Variants in LPP observed in about 807,000 individuals in gnomAD.
LPP encodes LIM domain containing preferred translocation partner in lipoma.
In LPP, 38 loss-of-function variants were observed where a neutral mutation model predicts 60.4. The ratio of observed to expected loss-of-function variants is 0.63; its 90% CI spans 0.49 to 0.83. The LOEUF (loss-of-function observed/expected upper bound fraction) is 0.83, where lower values mean the gene tolerates loss of function less well. Ranked by LOEUF, LPP falls within the 40% of genes least tolerant of loss-of-function variation. LPP has a pLI of 0.00. For missense variants in LPP, 902 were observed against 783.6 expected, an observed-to-expected ratio of 1.15 and a Z score of -1.80; for synonymous variants, 328 against 290.8, an observed-to-expected ratio of 1.13 and a Z score of -1.30.
intron 2 of LPP, among the ~76,000 whole-genome samples, chr3:188,250,503 A>G (rs1238565917): frequency 6.6e-6 from 1 of 152,186 alleles, no homozygotes; most frequent in Non-Finnish European, 1.5e-5. Flanking sequence ...TAAGCTATCC[A>G]TGGGGAGACA....
chr3:188,447,505 G>T (rs1353586803), intron 4 of LPP, among the ~76,000 whole-genome samples: 13 of 151,072 alleles, frequency 8.6e-5, no homozygotes, highest in East Asian at 2.0e-4. Context: ...AACTACTCAA[G>T]AAGCTGAGGC....
intron 2 of LPP, among the ~76,000 whole-genome samples, chr3:188,240,658 A>T (rs1724159259): frequency 1.3e-5 from 2 of 152,066 alleles, no homozygotes; most frequent in East Asian, 1.9e-4. Flanking sequence ...AATCATAACT[A>T]TCCAATCATG....
At chr3:188,186,177 T>C (rs1379808092) in intron 1 of LPP, among the ~76,000 whole-genome samples, 1 of 152,160 alleles carries the variant, frequency 6.6e-6, no homozygotes, top group Non-Finnish European at 1.5e-5. Context: ...CTGCTAAATA[T>C]AGCTCCAACC....
At chr3:188,404,936 G>A (rs756497913) in intron 3 of LPP, among the ~76,000 whole-genome samples, 1 of 152,180 alleles carries the variant, frequency 6.6e-6, no homozygotes, top group Non-Finnish European at 1.5e-5. Flanking sequence ...AGGCTGACTG[G>A]AGAGGTGATT....
chr3:188,754,570 C>G (rs1465745174), intron 8 of LPP, among the ~76,000 whole-genome samples: 1 of 152,100 alleles, frequency 6.6e-6, no homozygotes, highest in Non-Finnish European at 1.5e-5. Flanking sequence ...CATAGAATCA[C>G]CTGGAGAGTT....
chr3:188,641,246 A>G (rs1015347767), intron 7 of LPP, among the ~76,000 whole-genome samples: 9 of 152,322 alleles, frequency 5.9e-5, no homozygotes, highest in Non-Finnish European at 1.2e-4. Context: ...TCCACAGTCA[A>G]TTATCTCCAA....
At chr3:188,455,991 TAAAC>T (rs967950336) in intron 4 of LPP, among the ~76,000 whole-genome samples, 16 of 152,208 alleles carry the variant, frequency 1.1e-4, no homozygotes, top group Admixed American at 4.6e-4. Context: ...CTCCTGATCT[TAAAC>T]AATCCTCCTG....
chr3:188,708,237 T>C (rs1865870922), intron 7 of LPP, 30 bp from the exon 8 acceptor site: 1 of 1,612,568 alleles, frequency 6.2e-7, no homozygotes. Flanking sequence ...TAGGTGGCAA[T>C]TAAAGGACTG....
chr3:188,170,323 T>C (rs1056176545), intron 1 of LPP, among the ~76,000 whole-genome samples: 3 of 135,700 alleles, frequency 2.2e-5, no homozygotes, highest in Admixed American at 8.3e-5. Flanking sequence ...TCTTTTCTTT[T>C]CTTTTCTTTT....
intron 1 of LPP, among the ~76,000 whole-genome samples, chr3:188,203,533 A>ATTTATATATATATATT (rs1732055805): frequency 1.1e-5 from 1 of 91,164 alleles, no homozygotes; most frequent in Non-Finnish European, 1.9e-5. Flanking sequence ...ATAAATATAT[A>ATTTATATATATATATT]TTTAAATATA....
chr3:188,820,308 T>C (rs12635455), intron 9 of LPP, among the ~76,000 whole-genome samples: 37,076 of 152,040 alleles, frequency 0.24, 6,085 homozygotes, highest in East Asian at 0.8. Flanking sequence ...TGTGTGTGTG[T>C]GTGTTCAATT....
chr3:188,405,012 A>C (rs967194800), intron 3 of LPP, among the ~76,000 whole-genome samples: 1 of 152,204 alleles, frequency 6.6e-6, no homozygotes, highest in Non-Finnish European at 1.5e-5. Context: ...TCAGAGCAGC[A>C]TCTGGGCTGG....
intron 9 of LPP, among the ~76,000 whole-genome samples, 184 bp downstream of exon 9, chr3:188,760,466 AT>A (rs1482439436): frequency 6.9e-6 from 1 of 144,388 alleles, no homozygotes; most frequent in Non-Finnish European, 1.5e-5. Context: ...GCATATTGTA[AT>A]TTTTTTCTAC....
chr3:188,629,279 C>G (rs757016261), intron 7 of LPP, among the ~76,000 whole-genome samples: 3 of 151,902 alleles, frequency 2.0e-5, no homozygotes, highest in Non-Finnish European at 4.4e-5. Flanking sequence ...GAAAGTCAAA[C>G]TATTTCTGTT....
intron 7 of LPP, among the ~76,000 whole-genome samples, chr3:188,637,133 C>T (rs10937360): frequency 0.81 from 121,306 of 149,250 alleles, 49,617 homozygotes; most frequent in East Asian, 1. Context: ...CTTCAGCAAA[C>T]GTAAAAGAAC....
chr3:188,766,202 AG>A (rs1279073683), intron 9 of LPP, among the ~76,000 whole-genome samples: 4 of 151,750 alleles, frequency 2.6e-5, no homozygotes, highest in Non-Finnish European at 5.9e-5. Context: ...AGATCCTAAA[AG>A]CCCCCAACTA....
intron 7 of LPP, among the ~76,000 whole-genome samples, chr3:188,706,208 C>T (rs1210153725): frequency 3.3e-5 from 5 of 152,206 alleles, no homozygotes; most frequent in Non-Finnish European, 7.3e-5. Flanking sequence ...AGGATGAGCT[C>T]TTGTCCTGAC....
chr3:188,336,020 C>T (rs1761530241), intron 2 of LPP, among the ~76,000 whole-genome samples: 1 of 152,074 alleles, frequency 6.6e-6, no homozygotes, highest in African/African-American at 2.4e-5. Flanking sequence ...ACTGTGGGCA[C>T]CTCAGTAGCT....
At chr3:188,441,867 G>T (rs566133908) in intron 4 of LPP, among the ~76,000 whole-genome samples, 6 of 151,322 alleles carry the variant, frequency 4.0e-5, no homozygotes, top group Non-Finnish European at 7.4e-5. Flanking sequence ...CTCATGATCC[G>T]CCCACCTCGG....
Sources: gnomAD v4.1 joint callset for allele counts (sites outside exome capture counted in the v4.1 genomes callset) on GRCh38, gnomAD v4.1.1 for gene constraint, MANE v1.5 for transcripts, NCBI Gene and HGNC (gene_info 2026-07-23, HGNC 2026-07-21) for gene names.